ARHGEF12: variants seen among roughly 807,000 people sequenced by gnomAD.
The protein encoded by ARHGEF12 is Rho guanine nucleotide exchange factor 12.
Under a neutral mutation model 211.2 loss-of-function variants are expected in ARHGEF12, and 66 were observed. The observed-to-expected ratio is 0.31, with a 90% CI of 0.26 to 0.38. The LOEUF is 0.38. Ranked by LOEUF, ARHGEF12 falls within the 10% of genes least tolerant of loss-of-function variation. ARHGEF12 has a pLI of 1.00. For synonymous variants in ARHGEF12, 592 were observed against 638.4 expected, an observed-to-expected ratio of 0.93 and a Z score of 1.09; for missense variants, 1,429 against 1,869.5, an observed-to-expected ratio of 0.76 and a Z score of 4.34.
chr11:120,398,867 G>T (rs1018896055), intron 1 of ARHGEF12, among the ~76,000 whole-genome samples: 1 of 151,558 alleles, frequency 6.6e-6, no homozygotes, highest in African/African-American at 2.4e-5. Flanking sequence ...TTTTATATTC[G>T]TATAACCTCT....
intron 1 of ARHGEF12, among the ~76,000 whole-genome samples, chr11:120,351,447 ATATATATATTTTTTTTTT>A (rs1419319334): frequency 2.7e-4 from 1 of 3,698 alleles, no homozygotes; most frequent in African/African-American, 1.9e-3. Flanking sequence ...ATATATATAT[ATATATATATTTTTTTTTT>A]TTTTTTTTTT....
chr11:120,344,904 A>G (rs926106002), intron 1 of ARHGEF12, among the ~76,000 whole-genome samples: 1 of 152,236 alleles, frequency 6.6e-6, no homozygotes, highest in Non-Finnish European at 1.5e-5. Flanking sequence ...TTCTGTAACC[A>G]TTCAAGTGTT....
intron 21 of ARHGEF12, 38 bp from the exon 22 acceptor site, chr11:120,451,474 G>C (rs1946212356): frequency 3.7e-6 from 6 of 1,605,352 alleles, no homozygotes; most frequent in Non-Finnish European, 5.1e-6. Context: ...ACCGCACCCA[G>C]CCGCAATACA....
intron 22 of ARHGEF12, among the ~76,000 whole-genome samples, chr11:120,452,299 A>G (rs1338173856): frequency 6.6e-6 from 1 of 152,184 alleles, no homozygotes; most frequent in African/African-American, 2.4e-5. Context: ...CTATTTACTG[A>G]GAGTGAGAGT....
chr11:120,486,631 C>T lies in ARHGEF12; in HGVS notation c.*1554C>T, dbSNP rs1002667568. On this transcript the variant is annotated 3_prime_UTR_variant, in exon 41 of 41. Transcript: ENST00000397843. ...TCTGTTAATAAACAAGGAGTTCATC[C>T]GTTGCTCACATCTTTCATTGGTGCC... 2 of 224,228 alleles carry T rather than the reference C, an allele frequency of 8.9e-6. No individual in the cohort carries two copies. The highest frequency in any genetic ancestry group is 8.9e-6 in the Non-Finnish European group (1 of 112,494). The allele number at this position is 224,228 out of a possible 1,614,324, so 13.9% of individuals were successfully genotyped here.
Position 120,489,011 on chromosome 11 carries a change from A to G in ARHGEF12, c.*3934A>G. ...GAAAATAGAAAATAAGATTTCAAAT[A>G]TTAAATAAGCTTAAAGGAACCAAGC... On this transcript the variant is annotated 3_prime_UTR_variant, in exon 41 of 41. Coordinates refer to ENST00000397843, the MANE Select transcript of ARHGEF12 (RefSeq NM_015313.3). The G allele has an allele frequency of 4.5e-6, 1 of 220,324 alleles. No individual in the cohort carries two copies. The highest frequency in any genetic ancestry group is 9.1e-6 in the Non-Finnish European group (1 of 109,618). The allele number at this position is 220,324 out of a possible 1,614,324, so 13.6% of individuals were successfully genotyped here.
At position 120,356,095 on chromosome 11, in the gene ARHGEF12, G is replaced by A. The variant is rs1404291460; in HGVS notation, c.32+18820G>A. Among the ~76,000 whole-genome samples the A allele has an allele frequency of 3.9e-5, 6 of 152,200 alleles. No individual in the cohort carries two copies. In the South Asian group the frequency reaches 1.2e-3, roughly 32 times the overall value. ...ACATTTGCAATTTCATGTGATTCAG[G>A]CTAGGAGCAATCTATCAGTATGACT... On this transcript the variant is annotated intron_variant, in intron 1 of 40. Transcript: ENST00000397843.
At chr11:120,382,345 A>G (rs1943900085) in intron 1 of ARHGEF12, among the ~76,000 whole-genome samples, 2 of 152,202 alleles carry the variant, frequency 1.3e-5, no homozygotes, top group South Asian at 4.1e-4. Flanking sequence ...TTATCTGTAT[A>G]TTTTGAGTGG....
intron 8 of ARHGEF12, 113 bp from the exon 9 acceptor site, chr11:120,429,327 G>A: frequency 6.7e-6 from 5 of 743,646 alleles, no homozygotes; most frequent in Non-Finnish European, 1.1e-5. Flanking sequence ...AACCTAATAG[G>A]TATTGATAAT....
At chr11:120,442,441 C>T (rs1945902665) in intron 15 of ARHGEF12, among the ~76,000 whole-genome samples, 2 of 144,486 alleles carry the variant, frequency 1.4e-5, no homozygotes, top group South Asian at 4.3e-4. Flanking sequence ...CACACACACA[C>T]ACACACACAC....
intron 22 of ARHGEF12, among the ~76,000 whole-genome samples, chr11:120,452,678 A>C (rs1477693914): frequency 6.6e-6 from 1 of 152,188 alleles, no homozygotes; most frequent in African/African-American, 2.4e-5. Context: ...AGAGCATGAG[A>C]GCCTCAGTGG....
At chr11:120,346,553 A>G (rs1278882080) in intron 1 of ARHGEF12, among the ~76,000 whole-genome samples, 1 of 152,246 alleles carries the variant, frequency 6.6e-6, no homozygotes, top group African/African-American at 2.4e-5. Flanking sequence ...CACAGGTGGC[A>G]TTGCAAGTTG....
At chr11:120,420,057 A>G (rs185176354) in intron 4 of ARHGEF12, among the ~76,000 whole-genome samples, 17 of 152,120 alleles carry the variant, frequency 1.1e-4, no homozygotes, top group East Asian at 5.8e-4. Flanking sequence ...AAGAAACACA[A>G]ATTCTCCCTT....
intron 27 of ARHGEF12, chr11:120,464,542 A>C (rs1946641506): frequency 6.6e-6 from 1 of 152,012 alleles, no homozygotes; most frequent in Non-Finnish European, 1.5e-5. Context: ...AGATTGCACC[A>C]CTATACTCCA....
intron 1 of ARHGEF12, among the ~76,000 whole-genome samples, chr11:120,383,530 A>C (rs1943936328): frequency 6.6e-6 from 1 of 152,136 alleles, no homozygotes; most frequent in Non-Finnish European, 1.5e-5. Context: ...GGGTGATGGG[A>C]AACAATGACA....
chr11:120,484,576 C>A, intron 40 of ARHGEF12, 69 bp downstream of exon 40: 1 of 1,358,094 alleles, frequency 7.4e-7, no homozygotes, highest in Non-Finnish European at 1.0e-6. Context: ...ACTTATCATA[C>A]TTTGAAGTGA....
At chr11:120,474,200 A>G (rs1212089064) in intron 31 of ARHGEF12, among the ~76,000 whole-genome samples, 3 of 152,230 alleles carry the variant, frequency 2.0e-5, no homozygotes, top group African/African-American at 7.2e-5. Flanking sequence ...AGACAAGCAT[A>G]TGTACCATGC....
intron 27 of ARHGEF12, among the ~76,000 whole-genome samples, chr11:120,461,673 A>G (rs1771130761): frequency 6.6e-6 from 1 of 152,222 alleles, no homozygotes; most frequent in Non-Finnish European, 1.5e-5. Flanking sequence ...ATAGAAGGCT[A>G]TTTCATCTAC....
chr11:120,380,180 T>C (rs1943839655), intron 1 of ARHGEF12, among the ~76,000 whole-genome samples: 1 of 152,234 alleles, frequency 6.6e-6, no homozygotes, highest in Non-Finnish European at 1.5e-5. Context: ...TTTTTTTGGA[T>C]TAATTTTTTA....
Sources: allele counts gnomAD v4.1 joint callset (sites outside exome capture counted in the v4.1 genomes callset), GRCh38; gene constraint gnomAD v4.1.1; transcripts MANE v1.5; gene names NCBI Gene and HGNC (gene_info 2026-07-23, HGNC 2026-07-21).